FIZ1: variants seen among roughly 807,000 people sequenced by gnomAD.
The protein encoded by FIZ1 is FLT3 interacting zinc finger 1.
Under a neutral mutation model 5.3 loss-of-function variants are expected in FIZ1, and 2 were observed. That is an observed-to-expected ratio of 0.37 (90% CI 0.15 to 1.18). The LOEUF is 1.18. FIZ1 is among the 50% of genes most tolerant of loss of function. The pLI, the probability that FIZ1 is intolerant of heterozygous loss-of-function variation, is 0.37. For synonymous variants in FIZ1, 407 were observed against 364.2 expected (o/e 1.12, Z -1.34); for missense variants, 631 against 749.7 (o/e 0.84, Z 1.85).
chr19:55,592,944 A>T lies in FIZ1; in HGVS notation c.997T>A (p.Cys333Ser), dbSNP rs1247107879. 6.4e-7 allele frequency: 1 copy of T among 1,557,432 alleles called. No homozygotes were observed. Among genetic ancestry groups the T allele is most frequent in the African/African-American group, 1.4e-5 (1 of 71,634 alleles). Residue 333 changes from cysteine to serine, a missense_variant, in exon 3 of 3, where the codon TGC (cysteine) becomes AGC (serine). Cys to Ser is a moderately radical substitution (Grantham distance 112, BLOSUM62 -1). Coordinates refer to ENST00000221665, the MANE Select transcript of FIZ1 (RefSeq NM_032836.3). This position sits in a 1 kb window ranked among gnomAD's most constrained non-coding sequence, Gnocchi z 6.9. ...GACGCAAAGAAGGTCCCGCAGTCGC[A>T]CTGGTACAGGGTGTCTTCCGAGGGC... is the stretch of plus-strand genomic sequence containing the variant. ...AEPSEDTLYQCDCGTFFASAA... is the reference protein window; with the variant it reads ...AEPSEDTLYQSDCGTFFASAA...
intron 2 of FIZ1, among the ~76,000 whole-genome samples, chr19:55,597,280 C>T (rs1245330555): frequency 6.6e-6 from 1 of 152,202 alleles, no homozygotes; most frequent in African/African-American, 2.4e-5. Flanking sequence ...ATTGCAGATG[C>T]TGGTGCGTGC....
rs1378109453 is a variant in FIZ1 at position 55,593,147 on chromosome 19, G to A, written c.794C>T (p.Ala265Val). ...PGAPPAQAWA[A>V]GPGAGPETAG... ...CGTCTCGGGCCCTGCGCCTGGCCCC[G>A]CGGCCCAGGCCTGCGCTGGGGGCGC... The change falls in exon 3 of 3, where the codon GCG becomes GTG. Residue 265 changes from alanine (A) to valine (V), a missense_variant. By Grantham distance (64) the Ala-to-Val change is moderately conservative. This residue lies in a region of FIZ1 where 463 missense variants were observed against 455.1 expected (regional missense o/e 1.02). Coordinates refer to ENST00000221665, the MANE Select transcript of FIZ1 (RefSeq NM_032836.3). This position sits in a 1 kb window ranked among gnomAD's most constrained non-coding sequence, Gnocchi z 6.3. The A allele has an allele frequency of 9.2e-6, 11 of 1,190,328 alleles. No homozygotes were observed. Among genetic ancestry groups the A allele is most frequent in the Non-Finnish European group, 1.1e-5 (11 of 957,720 alleles). The allele number at this position is 1,190,328 out of a possible 1,614,324, so 73.7% of individuals were successfully genotyped here.
chr19:55,592,978 CG>C lies in FIZ1; in HGVS notation c.962del (p.Ala321GlyfsTer169). 1 of 1,539,270 alleles carries C rather than the reference CG, an allele frequency of 6.5e-7. No individual in the cohort carries two copies. Among genetic ancestry groups the C allele is most frequent in the Non-Finnish European group, 8.7e-7 (1 of 1,151,554 alleles). ...GGGTGTCTTCCGAGGGCTCGGCGGC[CG>C]CCGCAGGTGCAGGCGCCTCCCCACC... ...EGGGEAPAPA[A>X]AAEPSEDTLY... On this transcript the variant is annotated frameshift_variant, in exon 3 of 3. Coordinates refer to ENST00000221665, the MANE Select transcript of FIZ1 (RefSeq NM_032836.3). LOFTEE classifies it low-confidence loss of function (END_TRUNC). The surrounding 1 kb of genome is among the most constrained non-coding windows in gnomAD (Gnocchi z 6.9).
intron 2 of FIZ1, among the ~76,000 whole-genome samples, chr19:55,594,860 A>C (rs970658451): frequency 2.0e-5 from 3 of 152,066 alleles, no homozygotes; most frequent in Non-Finnish European, 4.4e-5. Context: ...TACAGGCCTT[A>C]GGTGTGTTAG....
intron 1 of FIZ1, chr19:55,598,752 A>C (rs1185390466): frequency 6.6e-6 from 1 of 151,914 alleles, no homozygotes; most frequent in Non-Finnish European, 1.5e-5. Context: ...CCTTTCTAAG[A>C]CTCTCCACTG....
In FIZ1 at chr19:55,597,698, G is replaced by A. The variant is rs1355478383; in HGVS notation, c.168C>T (p.Cys56=). Residue 56 remains cysteine, a synonymous_variant, in exon 2 of 3, where the codon TGC becomes TGT. Transcript: ENST00000221665. ...TGAAGCTGTGCTTGAAACCCTTGCC[G>A]CAGCGCGGACATGCGTGGGGCTTGA... ...TALKPHACPR[C]GKGFKHSFNL... is the part of the protein sequence containing the mutation. 8 of 1,614,024 alleles carry A rather than the reference G, an allele frequency of 5.0e-6. No individual in the cohort carries two copies. Among genetic ancestry groups the A allele is most frequent in the Admixed American group, 1.7e-5 (1 of 60,028 alleles).
Position 55,593,242 on chromosome 19 carries a change from G to C in FIZ1, c.699C>G (p.Cys233Trp). 2 of 1,251,286 alleles carry C rather than the reference G, an allele frequency of 1.6e-6. No homozygotes were observed. The highest frequency in any genetic ancestry group is 2.0e-6 in the Non-Finnish European group (2 of 988,508). The allele number at this position is 1,251,286 out of a possible 1,614,324, so 77.5% of individuals were successfully genotyped here. A position where few individuals can be genotyped will look rare whatever the true frequency, so the allele number is the denominator to read the frequency against. The change falls in exon 3 of 3, where the codon TGC (cysteine) becomes TGG (tryptophan). Residue 233 changes from cysteine (C) to tryptophan (W), a missense_variant. By Grantham distance (215) the Cys-to-Trp change is radical. Transcript: ENST00000221665. The surrounding 1 kb of genome is among the most constrained non-coding windows in gnomAD (Gnocchi z 6.3). Reference protein sequence around the residue: ...TDVKPFKCPRCERDFNAPALL... With the variant: ...TDVKPFKCPRWERDFNAPALL... ...GCGCGGGCGCGTTGAAGTCGCGCTC[G>C]CAGCGCGGGCACTTGAAGGGCTTCA...
chr19:55,598,078 C>A (rs962382770), intron 1 of FIZ1, 177 bp from the exon 2 acceptor site: 3 of 755,866 alleles, frequency 4.0e-6, no homozygotes, highest in Middle Eastern at 3.9e-4. Context: ...CCTTCTCTCG[C>A]GGCTCCACGC....
In FIZ1 at chr19:55,593,899, G is replaced by C. The variant is rs562955046; in HGVS notation, c.295-253C>G. 9.2e-5 allele frequency among the ~76,000 whole-genome samples: 14 copies of C among 152,170 alleles called. No individual in the cohort carries two copies. The highest frequency in any genetic ancestry group is 3.4e-4 in the African/African-American group (14 of 41,488). ...AGCACTCTGGGATTGCATAAGCCTA[G>C]GTGTTTGAGACCAGCCCAGGCAACA... On this transcript the variant is annotated intron_variant, in intron 2 of 2. Transcript: ENST00000221665. This position sits in a 1 kb window ranked among gnomAD's most constrained non-coding sequence, Gnocchi z 6.3.
Position 55,593,452 on chromosome 19 carries a change from G to T in FIZ1, c.489C>A (p.Cys163Ter). The T allele has an allele frequency of 6.5e-7, 1 of 1,543,934 alleles. No individual in the cohort carries two copies. Residue 163 changes from cysteine to a stop codon, truncating the protein, a stop_gained, in exon 3 of 3, where the codon TGC becomes TGA. Coordinates refer to ENST00000221665, the MANE Select transcript of FIZ1 (RefSeq NM_032836.3). LOFTEE classifies it low-confidence loss of function (END_TRUNC). This position sits in a 1 kb window ranked among gnomAD's most constrained non-coding sequence, Gnocchi z 6.3. ...VCCNVGPCSVCGGSGAGGGEG... is the reference protein window; with the variant it reads ...VCCNVGPCSV ...CTCCGCCGCCGGCCCCTGAGCCCCC[G>T]CACACCGAGCAGGGCCCCACATTGC...
chr19:55,592,636 C>T lies in FIZ1; in HGVS notation c.1305G>A (p.Val435=). 3 of 1,613,488 alleles carry T rather than the reference C, an allele frequency of 1.9e-6. No individual in the cohort carries two copies. The highest frequency in any genetic ancestry group is 1.7e-4 in the Middle Eastern group (1 of 6,060). The stretch of plus-strand genomic sequence containing the variant: ...ACGGGAACGGCTTCTCGCCAGTGTG[C>T]ACCAGCACGTGCCGCTCCAGGTCTC... ...SPRDLERHVL[V]HTGEKPFPCL... Residue 435 remains valine, a synonymous_variant, in exon 3 of 3, where the codon GTG becomes GTA. Transcript: ENST00000221665. This position sits in a 1 kb window ranked among gnomAD's most constrained non-coding sequence, Gnocchi z 6.9.
At chr19:55,597,483 C>T in intron 2 of FIZ1, 89 bp downstream of exon 2, 2 of 1,476,996 alleles carry the variant, frequency 1.4e-6, no homozygotes, top group Non-Finnish European at 8.9e-7. Flanking sequence ...CTTGGGCCAG[C>T]TTCCTTTTGC....
In FIZ1 at chr19:55,592,016, C is replaced by T. The variant is rs1019894574; in HGVS notation, c.*434G>A. On this transcript the variant is annotated 3_prime_UTR_variant, in exon 3 of 3. Coordinates refer to ENST00000221665, the MANE Select transcript of FIZ1 (RefSeq NM_032836.3). This position sits in a 1 kb window ranked among gnomAD's most constrained non-coding sequence, Gnocchi z 6.9. Reference sequence around the variant, plus strand: ...CATGCTCCCTCCACATTCTCCAGATCAAGGTCGTTAGGAATGATGGCTCTC... The same window carrying T: ...CATGCTCCCTCCACATTCTCCAGATTAAGGTCGTTAGGAATGATGGCTCTC... The T allele has an allele frequency of 1.7e-5, 3 of 172,468 alleles. No individual in the cohort carries two copies. The highest frequency in any genetic ancestry group is 3.7e-5 in the Non-Finnish European group (3 of 82,186). 10.7% of individuals were successfully genotyped at this position (172,468 alleles called of 1,614,324 possible). A position where few individuals can be genotyped will look rare whatever the true frequency, so the allele number is the denominator to read the frequency against.
chr19:55,592,719 C>A lies in FIZ1; in HGVS notation c.1222G>T (p.Gly408Cys). ...CAGCCGAAGATCTTCTTGCCGCGGCCGGAGCCAGACGGGGGTTCCCCGGAC... is the reference window on the plus strand; with the variant it reads ...CAGCCGAAGATCTTCTTGCCGCGGCAGGAGCCAGACGGGGGTTCCCCGGAC... ...PASGEPPSGS[G>C]RGKKIFGCSE... is the part of the protein sequence containing the mutation. Residue 408 changes from glycine (G) to cysteine (C), a missense_variant, in exon 3 of 3, where the codon GGC becomes TGC. By Grantham distance (159) the Gly-to-Cys change is radical (BLOSUM62 -3). Around this residue, in one of 4 missense-constraint regions of FIZ1, gnomAD observed 463 missense variants for 455.1 expected, o/e 1.02. Coordinates refer to ENST00000221665, the MANE Select transcript of FIZ1 (RefSeq NM_032836.3). This position sits in a 1 kb window ranked among gnomAD's most constrained non-coding sequence, Gnocchi z 6.9. The A allele has an allele frequency of 6.2e-7, 1 of 1,612,418 alleles. No individual in the cohort carries two copies. The highest frequency in any genetic ancestry group is 8.5e-7 in the Non-Finnish European group (1 of 1,179,702).
At chr19:55,596,041 TGTATCTAAATACAGTAGGTGCTC>T (rs1351515339) in intron 2 of FIZ1, among the ~76,000 whole-genome samples, 2 of 152,214 alleles carry the variant, frequency 1.3e-5, no homozygotes, top group Non-Finnish European at 2.9e-5. Flanking sequence ...AGCCTAGCAC[TGTATCTAAATACAGTAGGTGCTC>T]CTGAAATGGT....
At position 55,592,465 on chromosome 19, in the gene FIZ1, G is replaced by A. The variant is rs550454124; in HGVS notation, c.1476C>T (p.His492=). Residue 492 remains histidine (H), a synonymous_variant, in exon 3 of 3, where the codon CAC becomes CAT. Transcript: ENST00000221665. The surrounding 1 kb of genome is among the most constrained non-coding windows in gnomAD (Gnocchi z 6.9). ...LSNLSRHLKL[H]RGMD The stretch of plus-strand genomic sequence containing the variant: ...AGCCTGGCAGTCAGTCCATGCCCCG[G>A]TGCAGCTTCAGGTGCCTGGAGAGGT... 18 of 1,574,926 alleles carry A rather than the reference G, an allele frequency of 1.1e-5. No individual in the cohort carries two copies. In the East Asian group the frequency reaches 3.9e-4, roughly 34 times the overall value.
At chr19:55,594,117 G>A (rs546480226) in intron 2 of FIZ1, among the ~76,000 whole-genome samples, 3 of 152,232 alleles carry the variant, frequency 2.0e-5, no homozygotes, top group East Asian at 3.9e-4. Flanking sequence ...GACTGGGTGC[G>A]GTGGCTCACG....
In FIZ1 at chr19:55,592,438, G is replaced by A. The variant is rs1484274257; in HGVS notation, c.*12C>T. On this transcript the variant is annotated 3_prime_UTR_variant, in exon 3 of 3. Coordinates refer to ENST00000221665, the MANE Select transcript of FIZ1 (RefSeq NM_032836.3). This position sits in a 1 kb window ranked among gnomAD's most constrained non-coding sequence, Gnocchi z 6.9. Reference sequence around the variant, plus strand: ...AGGCTGGGTGGAGGGCAGGGCGCACGCAGCCTGGCAGTCAGTCCATGCCCC... The same window carrying A: ...AGGCTGGGTGGAGGGCAGGGCGCACACAGCCTGGCAGTCAGTCCATGCCCC... The A allele has an allele frequency of 1.3e-6, 2 of 1,539,688 alleles. No homozygotes were observed. The highest frequency in any genetic ancestry group is 1.8e-6 in the Non-Finnish European group (2 of 1,139,520).
intron 1 of FIZ1, chr19:55,598,960 C>T (rs1019291183): frequency 4.6e-5 from 7 of 152,720 alleles, no homozygotes; most frequent in African/African-American, 1.7e-4. Flanking sequence ...ACTCTAAACT[C>T]CTCCCTCCTG....
Sources: gnomAD v4.1 joint callset for allele counts (sites outside exome capture counted in the v4.1 genomes callset) on GRCh38, gnomAD v4.1.1 for gene constraint, gnomAD v4.1.1 regional missense constraint, Gnocchi (gnomAD v3.1) non-coding constraint, MANE v1.5 for transcripts, NCBI Gene and HGNC (gene_info 2026-07-23, HGNC 2026-07-21) for gene names.